PSPC1: variants seen among roughly 807,000 people sequenced by gnomAD.
PSPC1 encodes paraspeckle protein 1.
In PSPC1, 14 loss-of-function variants were observed where a neutral mutation model predicts 51.6. That is an observed-to-expected ratio of 0.27 (90% CI 0.18 to 0.42). The LOEUF is 0.42. PSPC1 is among the 10% of genes least tolerant of loss of function. The probability of loss-of-function intolerance (pLI) is 1.00; values close to 1 mark genes in which losing one functional copy is unlikely to be tolerated. For missense variants in PSPC1, 406 were observed against 701.1 expected (o/e 0.58, Z 4.75); for synonymous variants, 193 against 231.9 (o/e 0.83, Z 1.53).
intron 1 of PSPC1, among the ~76,000 whole-genome samples, chr13:19,779,363 C>T (rs1249132379): frequency 1.2e-4 from 13 of 109,288 alleles, no homozygotes; most frequent in African/African-American, 3.4e-4. Flanking sequence ...CCAGCCGTGC[C>T]GTCCGGGAGG....
chr13:19,770,277 A>G (rs1278508618), intron 2 of PSPC1, among the ~76,000 whole-genome samples: 1 of 152,206 alleles, frequency 6.6e-6, no homozygotes, highest in Non-Finnish European at 1.5e-5. Flanking sequence ...TAACTGTAAA[A>G]GGGCACAAGG....
chr13:19,750,949 AG>A (rs1886485850), intron 4 of PSPC1, among the ~76,000 whole-genome samples: 1 of 151,980 alleles, frequency 6.6e-6, no homozygotes, highest in African/African-American at 2.4e-5. Context: ...TTGTATTTTT[AG>A]TAGAGATGGG....
chr13:19,741,111 T>G (rs1481806013), intron 5 of PSPC1, among the ~76,000 whole-genome samples: 3 of 152,158 alleles, frequency 2.0e-5, no homozygotes, highest in African/African-American at 2.4e-5. Context: ...TGACCTCATG[T>G]GATCTGCCCA....
chr13:19,747,961 C>T (rs1886161960), intron 4 of PSPC1, among the ~76,000 whole-genome samples: 1 of 152,206 alleles, frequency 6.6e-6, no homozygotes, highest in African/African-American at 2.4e-5. Context: ...TGCCTGTAAT[C>T]CCAGCACTGT....
chr13:19,702,472 T>G (rs1375710130), downstream of PSPC1: 2 of 152,184 alleles, frequency 1.3e-5, no homozygotes, highest in African/African-American at 4.8e-5. Context: ...TTATTTTTTA[T>G]AAGCAAAAGA....
intron 2 of PSPC1, among the ~76,000 whole-genome samples, chr13:19,763,575 G>A (rs1396579943): frequency 6.6e-6 from 1 of 152,178 alleles, no homozygotes; most frequent in South Asian, 2.1e-4. Context: ...AGGTTCCTGC[G>A]CTAGCTGAAG....
intron 5 of PSPC1, among the ~76,000 whole-genome samples, chr13:19,736,661 C>A (rs145920348): frequency 2.0e-5 from 3 of 151,920 alleles, no homozygotes; most frequent in African/African-American, 2.4e-5. Flanking sequence ...CCAGCCTGGG[C>A]GACAGAGTGA....
At chr13:19,677,928 A>C (rs1404625509) in intron 6 of PSPC1, 2 of 436,490 alleles carry the variant, frequency 4.6e-6, no homozygotes, top group Admixed American at 2.5e-5. Context: ...ACAGTAATTG[A>C]GGTTTCGATA....
At chr13:19,748,104 T>C (rs1277352722) in intron 4 of PSPC1, among the ~76,000 whole-genome samples, 4 of 152,062 alleles carry the variant, frequency 2.6e-5, no homozygotes, top group Non-Finnish European at 1.5e-5. Flanking sequence ...TCCTAGCTAC[T>C]TGGGATGCTG....
At chr13:19,697,230 A>G (rs111482563) in intron 6 of PSPC1, among the ~76,000 whole-genome samples, 56 of 152,256 alleles carry the variant, frequency 3.7e-4, no homozygotes, top group African/African-American at 1.3e-3. Context: ...CTTTGGCTCC[A>G]CCTGAGGCCT....
At chr13:19,691,621 T>A (rs530720878) in intron 6 of PSPC1, among the ~76,000 whole-genome samples, 1 of 151,732 alleles carries the variant, frequency 6.6e-6, no homozygotes, top group Non-Finnish European at 1.5e-5. Context: ...AAGGCACTTA[T>A]AAGAGATTTA....
In PSPC1 at chr13:19,765,344, A is replaced by AATAATAATT. The variant is rs1555248074; in HGVS notation, c.675-5927_675-5926insAATTATTAT. On this transcript the variant is annotated intron_variant, in intron 2 of 8. Transcript: ENST00000338910. ...TCTCAAAAATAATAATAATAATAAT[A>AATAATAATT]ATTATTATTATTATTATTATTACCA... Among the ~76,000 whole-genome samples, 691 of 141,340 alleles carry AATAATAATT rather than the reference A, an allele frequency of 4.9e-3. 1 individual carries two copies. The highest frequency in any genetic ancestry group is 7.3e-3 in the Middle Eastern group (2 of 274). The allele number at this position is 141,340 out of a possible 152,430, so 92.7% of individuals were successfully genotyped here.
At chr13:19,752,605 A>G (rs575806904) in intron 3 of PSPC1, among the ~76,000 whole-genome samples, 6 of 149,852 alleles carry the variant, frequency 4.0e-5, no homozygotes, top group Admixed American at 1.3e-4. Context: ...TTTATTTTTG[A>G]GACACAGTCT....
At chr13:19,753,406 T>C (rs1593715620) in intron 3 of PSPC1, among the ~76,000 whole-genome samples, 1 of 152,094 alleles carries the variant, frequency 6.6e-6, no homozygotes, top group Non-Finnish European at 1.5e-5. Flanking sequence ...CAGCTAATTT[T>C]TGTATTTTTT....
At chr13:19,761,149 TA>T in intron 2 of PSPC1, among the ~76,000 whole-genome samples, 1 of 151,158 alleles carries the variant, frequency 6.6e-6, no homozygotes, top group African/African-American at 2.4e-5. Context: ...CATCTCTAAA[TA>T]AAAATAAAAA....
intron 6 of PSPC1, among the ~76,000 whole-genome samples, chr13:19,716,555 A>C (rs1352901570): frequency 2.0e-5 from 3 of 152,182 alleles, no homozygotes; most frequent in Non-Finnish European, 4.4e-5. Flanking sequence ...GTTTATCTCA[A>C]AAAAAGCTTT....
chr13:19,744,587 CAG>C (rs962219785), intron 4 of PSPC1, among the ~76,000 whole-genome samples: 1 of 150,602 alleles, frequency 6.6e-6, no homozygotes, highest in African/African-American at 2.4e-5. Context: ...TTTTTTGAGA[CAG>C]AGTCTCGCTT....
At chr13:19,773,239 T>A (rs946446349) in intron 1 of PSPC1, among the ~76,000 whole-genome samples, 8 of 147,272 alleles carry the variant, frequency 5.4e-5, no homozygotes, top group Non-Finnish European at 8.9e-5. Context: ...ACCCTTTATG[T>A]TTTTATCTCA....
At chr13:19,716,956 G>C (rs1882170810) in intron 6 of PSPC1, among the ~76,000 whole-genome samples, 1 of 152,092 alleles carries the variant, frequency 6.6e-6, no homozygotes, top group Non-Finnish European at 1.5e-5. Context: ...TTGGGGGGCT[G>C]AGGCAGGCAG....
Sources: gnomAD v4.1 joint callset for allele counts (sites outside exome capture counted in the v4.1 genomes callset) on GRCh38, gnomAD v4.1.1 for gene constraint, MANE v1.5 for transcripts, NCBI Gene and HGNC (gene_info 2026-07-23, HGNC 2026-07-21) for gene names.